Variants in BRWD3 observed in about 807,000 individuals in gnomAD.
The protein encoded by BRWD3 is bromodomain and WD repeat domain containing 3.
BRWD3 carries 10 observed loss-of-function variants against 149.7 expected under a neutral mutation model. The ratio of observed to expected loss-of-function variants is 0.07; its 90% CI spans 0.04 to 0.11. The LOEUF (loss-of-function observed/expected upper bound fraction) is 0.11, where lower values mean the gene tolerates loss of function less well. Among genes scored for constraint, BRWD3 ranks in the 10% least tolerant of loss-of-function variants. The probability of loss-of-function intolerance (pLI) is 1.00; values close to 1 mark genes in which losing one functional copy is unlikely to be tolerated. For missense variants in BRWD3, 940 were observed against 1,373.2 expected, an observed-to-expected ratio of 0.68 and a Z score of 4.99; for synonymous variants, 504 against 456.7, an observed-to-expected ratio of 1.10 and a Z score of -1.32.
At chrX:80,772,533 G>A (rs2073956466) in intron 6 of BRWD3, among the ~76,000 whole-genome samples, 1 of 110,485 alleles carries the variant, frequency 9.1e-6, no homozygotes, top group Non-Finnish European at 1.9e-5. Flanking sequence ...GAGTTTATGG[G>A]TGCAGCAAAC....
chrX:80,793,015 A>G (rs2074197947), intron 5 of BRWD3, among the ~76,000 whole-genome samples: 1 of 108,315 alleles, frequency 9.2e-6, no homozygotes, highest in Admixed American at 1.0e-4. Flanking sequence ...TACAAAAATT[A>G]GCTGGGCGAG....
intron 4 of BRWD3, among the ~76,000 whole-genome samples, chrX:80,800,557 A>C (rs2074283226): frequency 1.9e-5 from 2 of 107,745 alleles, no homozygotes; most frequent in African/African-American, 6.8e-5. Flanking sequence ...AAAAAAATAC[A>C]AATACAAATA....
Position 80,717,703 on chromosome X carries a change from G to A in BRWD3, c.2101C>T (p.His701Tyr), listed in dbSNP as rs1287744678. The A allele has an allele frequency of 9.9e-6, 12 of 1,209,644 alleles. No individual in the cohort carries two copies. The highest frequency in any genetic ancestry group is 5.2e-5 in the African/African-American group (3 of 57,191). The part of the protein sequence containing the change: ...SSSPNIRLRR[H>Y]SSQIEGVRQM... ...CTAACACCTTCAATTTGACTACTAT[G>A]TCTTCGAAGCCTGATGTTTGGGGAA... Residue 701 changes from histidine to tyrosine, a missense_variant, in exon 19 of 41, where the codon CAT becomes TAT. His to Tyr is a moderately conservative substitution (Grantham distance 83). Around this residue, in one of 6 missense-constraint regions of BRWD3, gnomAD observed 103 missense variants for 103.2 expected, o/e 1.00. Transcript: ENST00000373275.
At chrX:80,682,157 G>C (rs2072457875) in intron 38 of BRWD3, 63 bp from the exon 39 acceptor site, 1 of 943,784 alleles carries the variant, frequency 1.1e-6, no homozygotes, top group African/African-American at 1.9e-5. Flanking sequence ...TATTATGATA[G>C]ACAGTATGAT....
chrX:80,794,928 C>CA (rs2074221552), intron 4 of BRWD3, among the ~76,000 whole-genome samples: 2 of 111,170 alleles, frequency 1.8e-5, no homozygotes. Context: ...TTACTTGCAC[C>CA]AAACCCACAA....
rs745892823 is a variant in BRWD3 at position 80,704,760 on chromosome X, C to T, written c.2639G>A (p.Arg880His). The T allele has an allele frequency of 9.9e-6, 12 of 1,210,891 alleles. No individual in the cohort carries two copies. The highest frequency in any genetic ancestry group is 3.0e-5 in the East Asian group (1 of 33,829). ...CTCATCAGAGCTGCTGCATATTTTA[C>T]GTGTTGTCTGTCTGGTTTGTCTTTT... is the stretch of plus-strand genomic sequence containing the variant. ...PPKRQTRQTT[R>H]KICSSSDEEN... is the part of the protein sequence containing the mutation. The change falls in exon 23 of 41, where the codon CGT (arginine) becomes CAT (histidine). Residue 880 changes from arginine (R) to histidine (H), a missense_variant. Transcript: ENST00000373275.
chrX:80,788,071 G>C (rs772192859), intron 6 of BRWD3, among the ~76,000 whole-genome samples: 1 of 106,305 alleles, frequency 9.4e-6, no homozygotes, highest in African/African-American at 3.5e-5. Context: ...GTGACAGAGC[G>C]AGACTCTGTC....
rs1469062479 is a variant in BRWD3, at chrX:80,671,793, A to C, written c.*4816T>G. Reference sequence around the variant, plus strand: ...TCCATCTTAAAATGTATGGATACCAAGAACAAAAAAAAGGTACAGTTATGT... The same window carrying C: ...TCCATCTTAAAATGTATGGATACCACGAACAAAAAAAAGGTACAGTTATGT... On this transcript the variant is annotated 3_prime_UTR_variant, in exon 41 of 41. Coordinates refer to ENST00000373275, the MANE Select transcript of BRWD3 (RefSeq NM_153252.5). The C allele has an allele frequency of 8.9e-6, 1 of 112,055 alleles. No individual in the cohort carries two copies. The highest frequency in any genetic ancestry group is 3.2e-5 in the African/African-American group (1 of 30,847). The allele number at this position is 112,055 out of a possible 1,213,427, so 9.2% of individuals were successfully genotyped here. A position where few individuals can be genotyped will look rare whatever the true frequency, so the allele number is the denominator to read the frequency against.
chrX:80,677,059 T>C lies in BRWD3; in HGVS notation c.4959A>G (p.Lys1653=), dbSNP rs181617490. ...SKFIQTRPKR[K]LRKQHGNGKR... ...TTCCATTGCCATGTTGCTTTCTGAGTTTTCTTTTAGGTCTGGTTTGTATGA... is the reference window on the plus strand; with the variant it reads ...TTCCATTGCCATGTTGCTTTCTGAGCTTTCTTTTAGGTCTGGTTTGTATGA... The change falls in exon 41 of 41, where the codon AAA becomes AAG. Residue 1653 remains lysine, a synonymous_variant. Transcript: ENST00000373275. 8.3e-7 allele frequency: 1 copy of C among 1,209,491 alleles called. No individual in the cohort carries two copies. The highest frequency in any genetic ancestry group is 1.8e-5 in the African/African-American group (1 of 57,023).
intron 6 of BRWD3, among the ~76,000 whole-genome samples, chrX:80,748,872 G>A (rs1327892899): frequency 9.1e-6 from 1 of 110,069 alleles, no homozygotes; most frequent in Non-Finnish European, 1.9e-5. Context: ...TACCTCTCCG[G>A]GCTGTTTTTG....
intron 6 of BRWD3, among the ~76,000 whole-genome samples, chrX:80,772,452 A>G (rs994112026): frequency 5.4e-5 from 6 of 110,211 alleles, no homozygotes; most frequent in Non-Finnish European, 7.6e-5. Flanking sequence ...GGAACATCAC[A>G]CCCTGGGGCC....
intron 8 of BRWD3, among the ~76,000 whole-genome samples, chrX:80,737,994 C>G (rs948482095): frequency 8.9e-6 from 1 of 112,592 alleles, no homozygotes; most frequent in Non-Finnish European, 1.9e-5. Context: ...GGGAACAGAG[C>G]TGAGCAGTTG....
intron 8 of BRWD3, among the ~76,000 whole-genome samples, chrX:80,736,697 A>T (rs2073409190): frequency 1.1e-5 from 1 of 90,998 alleles, no homozygotes; most frequent in African/African-American, 4.1e-5. Context: ...AGATCAAGTT[A>T]AAAAAAAAAA....
At chrX:80,686,441 A>C in intron 35 of BRWD3, among the ~76,000 whole-genome samples, 1 of 108,198 alleles carries the variant, frequency 9.2e-6, no homozygotes, top group Middle Eastern at 4.8e-3. Context: ...ATATATATAT[A>C]AATTAAAAAA....
At chrX:80,679,409 A>G (rs2072413761) in intron 40 of BRWD3, among the ~76,000 whole-genome samples, 1 of 112,117 alleles carries the variant, frequency 8.9e-6, no homozygotes, top group South Asian at 3.7e-4. Context: ...CAAGTTTGAG[A>G]TGCGAAGATA....
At chrX:80,711,155 A>G (rs1453232680) in intron 20 of BRWD3, among the ~76,000 whole-genome samples, 2 of 112,177 alleles carry the variant, frequency 1.8e-5, no homozygotes, top group Non-Finnish European at 3.8e-5. Flanking sequence ...TCAAAAATCT[A>G]GAAAACTTTT....
In BRWD3 at chrX:80,671,366, C is replaced by G. The variant is rs1475270479; in HGVS notation, c.*5243G>C. 8.9e-6 allele frequency: 1 copy of G among 111,878 alleles called. No homozygotes were observed. Among genetic ancestry groups the G allele is most frequent in the Non-Finnish European group, 1.9e-5 (1 of 53,143 alleles). 9.2% of individuals were successfully genotyped at this position (111,878 alleles called of 1,213,427 possible). A position where few individuals can be genotyped will look rare whatever the true frequency, so the allele number is the denominator to read the frequency against. ...AAACCTTTTCTTTGATAGGAAGAAG[C>G]ATCCTAGTTTCTCAGATTAAAAAGT... On this transcript the variant is annotated 3_prime_UTR_variant, in exon 41 of 41. Coordinates refer to ENST00000373275, the MANE Select transcript of BRWD3 (RefSeq NM_153252.5).
chrX:80,692,591 G>A (rs1304938505), intron 28 of BRWD3, among the ~76,000 whole-genome samples: 2 of 111,913 alleles, frequency 1.8e-5, no homozygotes, highest in Admixed American at 9.5e-5. Flanking sequence ...CTATATTCCA[G>A]CAATAACAAT....
chrX:80,744,590 C>A (rs974710332), intron 7 of BRWD3, among the ~76,000 whole-genome samples: 2 of 112,072 alleles, frequency 1.8e-5, no homozygotes, highest in African/African-American at 6.5e-5. Context: ...AGCCTTTTTT[C>A]TAAATTATTT....
Sources: allele counts gnomAD v4.1 joint callset (sites outside exome capture counted in the v4.1 genomes callset), GRCh38; gene constraint gnomAD v4.1.1; regional missense constraint gnomAD v4.1.1; transcripts MANE v1.5; gene names NCBI Gene and HGNC (gene_info 2026-07-23, HGNC 2026-07-21).